GRB10: variants seen among roughly 807,000 people sequenced by gnomAD.
GRB10 encodes the protein growth factor receptor bound protein 10.
GRB10 carries 20 observed loss-of-function variants against 80.9 expected under a neutral mutation model. The observed-to-expected ratio is 0.25, with a 90% CI of 0.17 to 0.36. GRB10 has a LOEUF of 0.36. Among genes scored for constraint, GRB10 ranks in the 10% least tolerant of loss-of-function variants. GRB10 has a pLI of 1.00. For missense variants in GRB10, 548 were observed against 747.7 expected (o/e 0.73, Z 3.12); for synonymous variants, 291 against 291.5 (o/e 1.00, Z 0.02).
rs1054564907 is a variant in GRB10, at chr7:50,590,209, A to G, written c.*2743T>C. 3 of 152,248 alleles carry G rather than the reference A, an allele frequency of 2.0e-5. No homozygotes were observed. Among genetic ancestry groups the G allele is most frequent in the African/African-American group, 7.2e-5 (3 of 41,472 alleles). The allele number at this position is 152,248 out of a possible 1,614,324, so 9.4% of individuals were successfully genotyped here. On this transcript the variant is annotated 3_prime_UTR_variant, in exon 19 of 19. Transcript: ENST00000401949. The stretch of plus-strand genomic sequence containing the variant: ...CAGAATGAAGCAAAGCACATGGAAT[A>G]AAGGTTTTGTCTCTTCATTAATACC...
intron 4 of GRB10, among the ~76,000 whole-genome samples, chr7:50,722,353 C>G (rs1008432741): frequency 6.6e-6 from 1 of 152,186 alleles, no homozygotes; most frequent in Admixed American, 6.5e-5. Flanking sequence ...CCCAGGGTAA[C>G]CCCGCCTGGC....
At chr7:50,762,387 C>T (rs375598265) in intron 2 of GRB10, among the ~76,000 whole-genome samples, 2 of 151,772 alleles carry the variant, frequency 1.3e-5, no homozygotes, top group African/African-American at 4.8e-5. Flanking sequence ...AATGCACCAC[C>T]TCCTTTAAAG....
intron 10 of GRB10, among the ~76,000 whole-genome samples, chr7:50,617,281 C>T (rs1158408965): frequency 6.6e-6 from 1 of 152,150 alleles, no homozygotes; most frequent in African/African-American, 2.4e-5. Context: ...TTGGTGATAA[C>T]AACGTAGAAA....
At chr7:50,736,674 T>C (rs1262947894) in intron 3 of GRB10, among the ~76,000 whole-genome samples, 2 of 152,004 alleles carry the variant, frequency 1.3e-5, no homozygotes, top group East Asian at 3.9e-4. Context: ...TCCCAGCTAA[T>C]TGGGAGGCTG....
chr7:50,723,723 AC>A (rs1173640108), intron 4 of GRB10, among the ~76,000 whole-genome samples: 1 of 152,198 alleles, frequency 6.6e-6, no homozygotes, highest in Non-Finnish European at 1.5e-5. Context: ...TCAGCCTCAC[AC>A]GCCTGAAGCG....
At chr7:50,752,279 A>C (rs146586643) in intron 3 of GRB10, among the ~76,000 whole-genome samples, 10 of 152,326 alleles carry the variant, frequency 6.6e-5, no homozygotes, top group African/African-American at 2.4e-4. Context: ...AGGGAGGCTC[A>C]AGTTACAGAA....
intron 7 of GRB10, among the ~76,000 whole-genome samples, chr7:50,649,290 C>T (rs762808209): frequency 2.6e-5 from 4 of 152,132 alleles, no homozygotes; most frequent in Non-Finnish European, 1.5e-5. Context: ...GGAGGCTGGC[C>T]AGGGGCACTG....
At chr7:50,719,792 A>G (rs534882545) in intron 4 of GRB10, among the ~76,000 whole-genome samples, 1 of 151,856 alleles carries the variant, frequency 6.6e-6, no homozygotes, top group South Asian at 2.1e-4. Flanking sequence ...TTTCCACTAC[A>G]CTTTGGAATT....
intron 4 of GRB10, among the ~76,000 whole-genome samples, chr7:50,725,211 C>A (rs2068429189): frequency 6.6e-6 from 1 of 152,218 alleles, no homozygotes; most frequent in Non-Finnish European, 1.5e-5. Context: ...TTGCTATTCT[C>A]ATGACAGTAA....
chr7:50,666,041 G>A (rs78235254), intron 7 of GRB10, among the ~76,000 whole-genome samples: 3,452 of 152,284 alleles, frequency 0.023, 125 homozygotes, highest in African/African-American at 0.075. Context: ...GAAGAACTTG[G>A]TAAGCCTGCC....
chr7:50,666,469 TA>T (rs2059813727), intron 7 of GRB10, among the ~76,000 whole-genome samples: 2 of 152,160 alleles, frequency 1.3e-5, no homozygotes, highest in Non-Finnish European at 2.9e-5. Flanking sequence ...CATTGGCCCG[TA>T]GCCTTTACAG....
At chr7:50,710,596 T>C (rs1408376787) in intron 4 of GRB10, among the ~76,000 whole-genome samples, 3 of 152,094 alleles carry the variant, frequency 2.0e-5, no homozygotes, top group Non-Finnish European at 4.4e-5. Flanking sequence ...GCGGGAAAAC[T>C]GGATGAGAGG....
chr7:50,697,653 C>G (rs1026497182), intron 5 of GRB10, among the ~76,000 whole-genome samples: 1 of 152,110 alleles, frequency 6.6e-6, no homozygotes, highest in East Asian at 1.9e-4. Flanking sequence ...GATTATGCCT[C>G]GAAAATTAAG....
At chr7:50,601,270 G>A (rs1467692524) in intron 17 of GRB10, among the ~76,000 whole-genome samples, 4 of 152,224 alleles carry the variant, frequency 2.6e-5, no homozygotes, top group African/African-American at 9.7e-5. Context: ...AGGCAGAGTT[G>A]AGAGGACAGG....
chr7:50,703,662 C>G (rs2064562762), intron 5 of GRB10, among the ~76,000 whole-genome samples, 159 bp downstream of exon 5: 1 of 152,224 alleles, frequency 6.6e-6, no homozygotes, highest in South Asian at 2.1e-4. Context: ...AACCAAGGAT[C>G]TTTCTCTATT....
At chr7:50,741,837 A>G (rs2071815275) in intron 3 of GRB10, among the ~76,000 whole-genome samples, 1 of 152,322 alleles carries the variant, frequency 6.6e-6, no homozygotes, top group African/African-American at 2.4e-5. Context: ...AAAGCAAAGC[A>G]TGACAAAATT....
chr7:50,749,592 A>G (rs2073763669), intron 3 of GRB10, among the ~76,000 whole-genome samples: 1 of 152,202 alleles, frequency 6.6e-6, no homozygotes, highest in African/African-American at 2.4e-5. Context: ...GAAACTTTGT[A>G]TAATTTGTGG....
chr7:50,608,900 G>A (rs1294330141), intron 13 of GRB10, among the ~76,000 whole-genome samples: 1 of 150,656 alleles, frequency 6.6e-6, no homozygotes, highest in African/African-American at 2.4e-5. Context: ...GGGAGGTTGA[G>A]GCTACAGTGA....
rs1008325004 is a variant in GRB10 at position 50,696,206 on chromosome 7, T to C, written c.139+7615A>G. Among the ~76,000 whole-genome samples, 7 of 152,194 alleles carry C rather than the reference T, an allele frequency of 4.6e-5. No individual in the cohort carries two copies. The South Asian group carries it at 8.3e-4, about 18-fold the overall frequency. ...ACGTCATTGAAATAAATTCCTGGAA[T>C]TGATGGGTTTAAATGTATGACCTTT... On this transcript the variant is annotated intron_variant, in intron 5 of 18. Transcript: ENST00000401949.
Sources: gnomAD v4.1 joint callset for allele counts (sites outside exome capture counted in the v4.1 genomes callset) on GRCh38, gnomAD v4.1.1 for gene constraint, MANE v1.5 for transcripts, NCBI Gene and HGNC (gene_info 2026-07-23, HGNC 2026-07-21) for gene names.